The following CRISPLD2 variants were observed in gnomAD, a reference collection of about 807,000 sequenced individuals.
CRISPLD2 encodes the protein cysteine-rich secretory protein LCCL domain-containing 2.
A neutral mutation model predicts 71.1 loss-of-function variants in CRISPLD2; 47 were observed. That is an observed-to-expected ratio of 0.66 (90% CI 0.52 to 0.84). The LOEUF (loss-of-function observed/expected upper bound fraction) is 0.84, where lower values mean the gene tolerates loss of function less well. Ranked by LOEUF, CRISPLD2 falls within the 40% of genes least tolerant of loss-of-function variation. The pLI is 0.00. For missense variants in CRISPLD2, 830 were observed against 651.1 expected, an observed-to-expected ratio of 1.27 and a Z score of -2.99; for synonymous variants, 317 against 250.1, an observed-to-expected ratio of 1.27 and a Z score of -2.52.
At chr16:84,869,564 G>A (rs746229602) in intron 8 of CRISPLD2, among the ~76,000 whole-genome samples, 7 of 152,216 alleles carry the variant, frequency 4.6e-5, no homozygotes, top group South Asian at 2.1e-4. Flanking sequence ...TGGAGCAGCC[G>A]GGATGAGGCG....
intron 7 of CRISPLD2, among the ~76,000 whole-genome samples, chr16:84,868,514 T>G (rs1917603808): frequency 6.6e-6 from 1 of 152,216 alleles, no homozygotes; most frequent in African/African-American, 2.4e-5. Flanking sequence ...GCACATCGTG[T>G]GTGCCAGGCA....
chr16:84,872,424 T>G lies in CRISPLD2; in HGVS notation c.915-18T>G, dbSNP rs1597470605. 1 of 1,610,156 alleles carries G rather than the reference T, an allele frequency of 6.2e-7. No homozygotes were observed. Among genetic ancestry groups the G allele is most frequent in the Non-Finnish European group, 8.5e-7 (1 of 1,176,712 alleles). On this transcript the variant is annotated intron_variant, in intron 8 of 14. Coordinates refer to ENST00000262424, the MANE Select transcript of CRISPLD2 (RefSeq NM_031476.4). ...AACGTGCTTATCTCTGAACATCATTTTATTTCTTCCTCGTCAGGTACCAGT... is the reference window on the plus strand; with the variant it reads ...AACGTGCTTATCTCTGAACATCATTGTATTTCTTCCTCGTCAGGTACCAGT...
In CRISPLD2 at chr16:84,873,902, T is replaced by C; in HGVS notation, c.1113-18T>C. On this transcript the variant is annotated intron_variant, in intron 10 of 14. Coordinates refer to ENST00000262424, the MANE Select transcript of CRISPLD2 (RefSeq NM_031476.4). ...CATTTACCTAATGCCCGTTTTTTTT[T>C]TTTTTTTTTTTAAACAGCAAATACA... is the stretch of plus-strand genomic sequence containing the variant. 6.3e-7 allele frequency: 1 copy of C among 1,577,206 alleles called. No individual in the cohort carries two copies. Among genetic ancestry groups the C allele is most frequent in the Non-Finnish European group, 8.6e-7 (1 of 1,169,318 alleles).
chr16:84,904,833 G>A (rs185256737), intron 14 of CRISPLD2, among the ~76,000 whole-genome samples: 8 of 152,304 alleles, frequency 5.3e-5, no homozygotes, highest in African/African-American at 1.4e-4. Flanking sequence ...AGGCTGAAAT[G>A]TAAGAGCTAA....
chr16:84,894,100 C>G (rs142948496), intron 14 of CRISPLD2, among the ~76,000 whole-genome samples: 1 of 152,324 alleles, frequency 6.6e-6, no homozygotes, highest in East Asian at 1.9e-4. Context: ...AGCAATGATC[C>G]TCCTCTAGAA....
chr16:84,899,747 C>G (rs973703746), intron 14 of CRISPLD2, among the ~76,000 whole-genome samples: 1 of 152,170 alleles, frequency 6.6e-6, no homozygotes, highest in Non-Finnish European at 1.5e-5. Context: ...GGCCCTTGGG[C>G]TGGCCATGTC....
intron 10 of CRISPLD2, 79 bp downstream of exon 10, chr16:84,873,201 C>T: frequency 2.6e-6 from 4 of 1,536,980 alleles, no homozygotes; most frequent in Non-Finnish European, 3.5e-6. Context: ...AAAAATACCA[C>T]ACAGGCCGGG....
intron 14 of CRISPLD2, 97 bp from the exon 15 acceptor site, chr16:84,906,491 C>A: frequency 7.8e-7 from 1 of 1,278,830 alleles, no homozygotes; most frequent in Non-Finnish European, 1.1e-6. Context: ...ACTACGGGAG[C>A]AAGCAGGAGG....
chr16:84,869,440 C>T (rs2071446661), intron 8 of CRISPLD2, among the ~76,000 whole-genome samples: 2 of 152,188 alleles, frequency 1.3e-5, no homozygotes, highest in Admixed American at 6.5e-5. Context: ...TTATTTAAAG[C>T]ACATGTTAAA....
chr16:84,875,067 C>G (rs1402268267), intron 11 of CRISPLD2, among the ~76,000 whole-genome samples: 3 of 152,092 alleles, frequency 2.0e-5, no homozygotes, highest in East Asian at 3.9e-4. Context: ...ACAGCAAGAC[C>G]CTGTCTCTGC....
chr16:84,850,804 T>A, intron 5 of CRISPLD2, 121 bp downstream of exon 5: 1 of 729,032 alleles, frequency 1.4e-6, no homozygotes, highest in Non-Finnish European at 2.4e-6. Context: ...ACAAAGAATC[T>A]AGAGTTTAGT....
At chr16:84,880,779 C>T (rs960443138) in intron 13 of CRISPLD2, 195 bp downstream of exon 13, 7 of 444,138 alleles carry the variant, frequency 1.6e-5, no homozygotes, top group Non-Finnish European at 2.8e-5. Flanking sequence ...AATCTTGGCC[C>T]ACTGTAACCT....
intron 1 of CRISPLD2, among the ~76,000 whole-genome samples, 195 bp from the exon 2 acceptor site, chr16:84,838,227 G>A (rs137981304): frequency 6.0e-4 from 91 of 152,242 alleles, no homozygotes; most frequent in African/African-American, 1.9e-3. Flanking sequence ...AGCTTGCCTC[G>A]CTGGAAACCC....
chr16:84,900,041 C>T (rs1385942784), intron 14 of CRISPLD2, among the ~76,000 whole-genome samples: 1 of 152,082 alleles, frequency 6.6e-6, no homozygotes. Flanking sequence ...CTGAACTTTC[C>T]AGAAACCAGC....
intron 5 of CRISPLD2, among the ~76,000 whole-genome samples, chr16:84,853,810 C>T (rs1489670229): frequency 6.6e-6 from 1 of 152,222 alleles, no homozygotes; most frequent in Non-Finnish European, 1.5e-5. Flanking sequence ...CTCACAGCAG[C>T]CCTGCTGCCG....
At chr16:84,843,107 T>C (rs991640933) in intron 2 of CRISPLD2, among the ~76,000 whole-genome samples, 2 of 152,096 alleles carry the variant, frequency 1.3e-5, no homozygotes, top group Non-Finnish European at 2.9e-5. Flanking sequence ...GTTTACTTGG[T>C]GATGTTTCAG....
intron 13 of CRISPLD2, among the ~76,000 whole-genome samples, chr16:84,887,864 G>A (rs1000117458): frequency 5.3e-5 from 8 of 152,132 alleles, no homozygotes; most frequent in Admixed American, 4.6e-4. Context: ...CAATAAGAGC[G>A]AAACTCCGTC....
chr16:84,845,530 A>C (rs955157443), intron 2 of CRISPLD2, among the ~76,000 whole-genome samples: 11 of 152,196 alleles, frequency 7.2e-5, no homozygotes, highest in Non-Finnish European at 1.5e-4. Flanking sequence ...TTTCACAGAC[A>C]CTGAGGCCCA....
chr16:84,824,608 A>G (rs1916305885), intron 1 of CRISPLD2, among the ~76,000 whole-genome samples: 1 of 152,204 alleles, frequency 6.6e-6, no homozygotes, highest in Non-Finnish European at 1.5e-5. Flanking sequence ...AACAAAGAGC[A>G]AGCATCCTCT....
Sources: allele counts gnomAD v4.1 joint callset (sites outside exome capture counted in the v4.1 genomes callset), GRCh38; gene constraint gnomAD v4.1.1; transcripts MANE v1.5; gene names NCBI Gene and HGNC (gene_info 2026-07-23, HGNC 2026-07-21).